IL6: variants seen among roughly 807,000 people sequenced by gnomAD.
The protein encoded by IL6 is interleukin-6.
In IL6, 5 loss-of-function variants were observed where a neutral mutation model predicts 18.0. The ratio of observed to expected loss-of-function variants is 0.28; its 90% CI spans 0.15 to 0.58. The LOEUF (loss-of-function observed/expected upper bound fraction) is 0.58, where lower values mean the gene tolerates loss of function less well. Ranked by LOEUF, IL6 falls within the 20% of genes least tolerant of loss-of-function variation. IL6 has a pLI of 0.90. For missense variants in IL6, 266 were observed against 251.0 expected, an observed-to-expected ratio of 1.06 and a Z score of -0.40; for synonymous variants, 97 against 95.1, an observed-to-expected ratio of 1.02 and a Z score of -0.12.
At chr7:22,729,925 CA>C in intron 4 of IL6, 2 of 1,387,286 alleles carry the variant, frequency 1.4e-6, no homozygotes, top group Non-Finnish European at 1.9e-6. Context: ...TTTAATAGTG[CA>C]AGAGATTTAA....
At chr7:22,728,492 A>C in intron 2 of IL6, 1 of 552,806 alleles carries the variant, frequency 1.8e-6, no homozygotes, top group Non-Finnish European at 3.2e-6. Flanking sequence ...ATTAAGTAAC[A>C]CACCTAAAGT....
rs536817770 is a variant in IL6, at chr7:22,731,213, C to G, written c.472-193C>G. On this transcript the variant is annotated intron_variant, in intron 4 of 4. Coordinates refer to ENST00000258743, the MANE Select transcript of IL6 (RefSeq NM_000600.5). ...CTGCACTCCAGCCTGGGTGACAGAA[C>G]GAGACCTTGACTCAAAAAAAAAAAA... 7.3e-5 allele frequency among the ~76,000 whole-genome samples: 11 copies of G among 150,756 alleles called. No individual in the cohort carries two copies. In the East Asian group the frequency reaches 2.1e-3, roughly 29 times the overall value.
At chr7:22,727,736 G>A (rs906911116) in intron 2 of IL6, 102 bp downstream of exon 2, 7 of 1,330,556 alleles carry the variant, frequency 5.3e-6, no homozygotes, top group Non-Finnish European at 7.1e-6. Flanking sequence ...TCTTTGCTGG[G>A]TTCTAGAGCA....
chr7:22,730,306 C>T, intron 4 of IL6: 1 of 984,092 alleles, frequency 1.0e-6, no homozygotes, highest in Non-Finnish European at 1.2e-6. Flanking sequence ...CAGGGTTTCT[C>T]ATATGTTAAC....
Position 22,728,721 on chromosome 7 carries a change from G to A in IL6, c.239G>A (p.Ser80Asn), listed in dbSNP as rs924423199. The A allele has an allele frequency of 3.7e-6, 6 of 1,611,042 alleles. No individual in the cohort carries two copies. The highest frequency in any genetic ancestry group is 1.3e-5 in the African/African-American group (1 of 74,878). Reference sequence around the variant, plus strand: ...TGTAACAAGAGTAACATGTGTGAAAGCAGCAAAGAGGCACTGGCAGAAAAC... The same window carrying A: ...TGTAACAAGAGTAACATGTGTGAAAACAGCAAAGAGGCACTGGCAGAAAAC... ...ETCNKSNMCESSKEALAENNL... is the reference protein window; with the variant it reads ...ETCNKSNMCENSKEALAENNL... The change falls in exon 3 of 5, where the codon AGC (serine) becomes AAC (asparagine). Residue 80 changes from serine to asparagine, a missense_variant. By Grantham distance (46) the Ser-to-Asn change is conservative (BLOSUM62 1). Coordinates refer to ENST00000258743, the MANE Select transcript of IL6 (RefSeq NM_000600.5).
chr7:22,729,947 G>T (rs1041312369), intron 4 of IL6: 19 of 1,350,272 alleles, frequency 1.4e-5, no homozygotes, highest in South Asian at 4.4e-5. Context: ...AACCAAAGGC[G>T]GGGGGGCGGG....
At chr7:22,729,385 C>A in intron 3 of IL6, 129 bp from the exon 4 acceptor site, 1 of 797,318 alleles carries the variant, frequency 1.3e-6, no homozygotes. Flanking sequence ...CCAAAACATG[C>A]TGCCTAAGAG....
Position 22,729,502 on chromosome 7 carries a change from C to A in IL6, c.325-12C>A, listed in dbSNP as rs1784082515. The A allele has an allele frequency of 6.2e-7, 1 of 1,607,162 alleles. No homozygotes were observed. The highest frequency in any genetic ancestry group is 1.3e-5 in the African/African-American group (1 of 74,754). On this transcript the variant is annotated splice_polypyrimidine_tract_variant and intron_variant, in intron 3 of 4. Transcript: ENST00000258743. ...TGGCGATAACCAATTTTCCCACCAT[C>A]TTTCCTCTTAGGAGACTTGCCTGGT...
At chr7:22,729,769 G>T (rs758370297) in intron 4 of IL6, 109 bp downstream of exon 4, 2 of 1,581,508 alleles carry the variant, frequency 1.3e-6, no homozygotes, top group Non-Finnish European at 1.7e-6. Flanking sequence ...AAGGCTACAC[G>T]TAAACAAAAG....
chr7:22,729,178 G>T (rs572195162), intron 3 of IL6, among the ~76,000 whole-genome samples: 7 of 152,194 alleles, frequency 4.6e-5, no homozygotes, highest in Non-Finnish European at 1.0e-4. Flanking sequence ...GAGATAACCT[G>T]CACTGTCTTC....
At chr7:22,728,209 C>T (rs2069834) in intron 2 of IL6, among the ~76,000 whole-genome samples, 2,085 of 152,222 alleles carry the variant, frequency 0.014, 42 homozygotes, top group African/African-American at 0.048. Context: ...AGCCCACACT[C>T]GAATTCTGGT....
intron 1 of IL6, 33 bp downstream of exon 1, chr7:22,727,314 C>T: frequency 6.2e-7 from 1 of 1,614,028 alleles, no homozygotes; most frequent in East Asian, 2.2e-5. Context: ...CCTGGAACTG[C>T]CAGCGGCGGT....
At position 22,727,219 on chromosome 7, in the gene IL6, C is replaced by A. The variant is rs185230192; in HGVS notation, c.-44C>A. On this transcript the variant is annotated 5_prime_UTR_variant, in exon 1 of 5. Transcript: ENST00000258743. The stretch of plus-strand genomic sequence containing the variant: ...AGGCTCATTCTGCCCTCGAGCCCAC[C>A]GGGAACGAAAGAGAAGCTCTATCTC... 1,167 of 1,611,626 alleles carry A rather than the reference C, an allele frequency of 7.2e-4. 1 individual carries two copies. Among genetic ancestry groups the A allele is most frequent in the Admixed American group, 9.0e-4 (54 of 59,920 alleles).
At chr7:22,727,389 C>A in intron 1 of IL6, 55 bp from the exon 2 acceptor site, 1 of 1,613,186 alleles carries the variant, frequency 6.2e-7, no homozygotes, top group Non-Finnish European at 8.5e-7. Flanking sequence ...GCAGCAGAGG[C>A]AGGCTCCCAG....
Position 22,728,409 on chromosome 7 carries a change from A to G in IL6, c.211-284A>G, listed in dbSNP as rs140049792. On this transcript the variant is annotated intron_variant, in intron 2 of 4. Coordinates refer to ENST00000258743, the MANE Select transcript of IL6 (RefSeq NM_000600.5). ...ATCTACTGTGTGCCAGGCACTTTAAATAAATATTGTGTCTAATCTTCAAAA... is the reference window on the plus strand; with the variant it reads ...ATCTACTGTGTGCCAGGCACTTTAAGTAAATATTGTGTCTAATCTTCAAAA... 163 of 389,680 alleles carry G rather than the reference A, an allele frequency of 4.2e-4. No homozygotes were observed. In the East Asian group the frequency reaches 6.7e-3, roughly 16 times the overall value. 24.1% of individuals were successfully genotyped at this position (389,680 alleles called of 1,614,324 possible). A position where few individuals can be genotyped will look rare whatever the true frequency, so the allele number is the denominator to read the frequency against.
At chr7:22,730,593 G>C (rs1019764041) in intron 4 of IL6, among the ~76,000 whole-genome samples, 4 of 152,178 alleles carry the variant, frequency 2.6e-5, no homozygotes, top group Admixed American at 2.0e-4. Flanking sequence ...AAAAGTATCA[G>C]ATTTAGAGGC....
chr7:22,729,313 A>G (rs562109870), intron 3 of IL6, among the ~76,000 whole-genome samples: 1 of 152,224 alleles, frequency 6.6e-6, no homozygotes, highest in African/African-American at 2.4e-5. Flanking sequence ...TGGGCTTTGG[A>G]TAAAACTAAT....
chr7:22,730,154 G>C (rs1548216), intron 4 of IL6: 33,172 of 985,330 alleles, frequency 0.034, 1,366 homozygotes, highest in African/African-American at 0.19. Flanking sequence ...AGGTACCAAA[G>C]GCTTTGGCCA....
At chr7:22,729,809 G>A (rs1244840496) in intron 4 of IL6, 149 bp downstream of exon 4, 4 of 1,532,378 alleles carry the variant, frequency 2.6e-6, no homozygotes, top group Non-Finnish European at 2.6e-6. Flanking sequence ...GATTGTTATT[G>A]TTAAATCTTT....
Sources: gnomAD v4.1 joint callset for allele counts (sites outside exome capture counted in the v4.1 genomes callset) on GRCh38, gnomAD v4.1.1 for gene constraint, MANE v1.5 for transcripts, NCBI Gene and HGNC (gene_info 2026-07-23, HGNC 2026-07-21) for gene names.